CREB1: variants seen among roughly 807,000 people sequenced by gnomAD.
CREB1 encodes the protein cAMP responsive element binding protein 1.
In CREB1, 2 loss-of-function variants were observed where a neutral mutation model predicts 42.0. The observed-to-expected ratio is 0.05, with a 90% CI of 0.02 to 0.15. The LOEUF is 0.15. CREB1 is among the 10% of genes least tolerant of loss of function. The pLI is 1.00. For missense variants in CREB1, 199 were observed against 388.9 expected, an observed-to-expected ratio of 0.51 and a Z score of 4.11; for synonymous variants, 123 against 139.9, an observed-to-expected ratio of 0.88 and a Z score of 0.85.
At chr2:207,553,824 T>C (rs1272701813) in intron 1 of CREB1, among the ~76,000 whole-genome samples, 1 of 152,226 alleles carries the variant, frequency 6.6e-6, no homozygotes, top group East Asian at 1.9e-4. Context: ...TCTACAAAAT[T>C]CTGTTTCTCT....
chr2:207,590,951 T>G (rs895540273), intron 7 of CREB1, among the ~76,000 whole-genome samples: 1 of 152,220 alleles, frequency 6.6e-6, no homozygotes, highest in African/African-American at 2.4e-5. Flanking sequence ...AAAAATTTTT[T>G]TATTTCCTTT....
chr2:207,591,079 T>TTAAATTATC (rs1291443736), intron 7 of CREB1, among the ~76,000 whole-genome samples: 4 of 152,252 alleles, frequency 2.6e-5, no homozygotes, highest in Admixed American at 1.3e-4. Context: ...TTTTATTCTC[T>TTAAATTATC]TAAATTATCA....
intron 7 of CREB1, among the ~76,000 whole-genome samples, chr2:207,584,838 A>C (rs1049780899): frequency 1.3e-5 from 2 of 152,178 alleles, no homozygotes; most frequent in Non-Finnish European, 2.9e-5. Context: ...TGTCAGAGCA[A>C]GTATTTTCTT....
chr2:207,578,787 A>G (rs1463468170), intron 7 of CREB1, among the ~76,000 whole-genome samples: 1 of 151,892 alleles, frequency 6.6e-6, no homozygotes, highest in Non-Finnish European at 1.5e-5. Context: ...AAACAAGCCA[A>G]GTGACTTTTT....
At chr2:207,563,465 A>G (rs2082026688) in intron 3 of CREB1, among the ~76,000 whole-genome samples, 1 of 152,204 alleles carries the variant, frequency 6.6e-6, no homozygotes, top group South Asian at 2.1e-4. Context: ...ATAATAAACT[A>G]GATAAATCTC....
intron 1 of CREB1, among the ~76,000 whole-genome samples, chr2:207,545,277 G>A (rs1574785521): frequency 6.6e-6 from 1 of 152,132 alleles, no homozygotes; most frequent in East Asian, 1.9e-4. Context: ...GCATGATCTC[G>A]GCTCACTGCA....
chr2:207,555,828 CATAG>C, intron 2 of CREB1, 79 bp downstream of exon 2: 1 of 789,016 alleles, frequency 1.3e-6, no homozygotes. Flanking sequence ...GTTGTTATTA[CATAG>C]ATATACATAG....
At chr2:207,556,399 G>C (rs1287632657) in intron 2 of CREB1, among the ~76,000 whole-genome samples, 1 of 152,164 alleles carries the variant, frequency 6.6e-6, no homozygotes, top group African/African-American at 2.4e-5. Context: ...ACAAATAGCA[G>C]ATACAGACCT....
chr2:207,583,884 T>C (rs1380253349), intron 7 of CREB1, among the ~76,000 whole-genome samples: 1 of 152,246 alleles, frequency 6.6e-6, no homozygotes, highest in Non-Finnish European at 1.5e-5. Flanking sequence ...TCTACCCTTA[T>C]AGTTCTGCCT....
chr2:207,553,070 T>G (rs2081577840), intron 1 of CREB1, among the ~76,000 whole-genome samples: 2 of 138,594 alleles, frequency 1.4e-5, no homozygotes, highest in South Asian at 4.8e-4. Context: ...GACTTTTTTT[T>G]TTTTTTTTTT....
At chr2:207,567,201 A>G (rs2082171325) in intron 3 of CREB1, among the ~76,000 whole-genome samples, 2 of 152,144 alleles carry the variant, frequency 1.3e-5, no homozygotes, top group African/African-American at 2.4e-5. Flanking sequence ...CTGATAAGTA[A>G]TACTGATGCA....
intron 1 of CREB1, among the ~76,000 whole-genome samples, chr2:207,534,025 C>G (rs1348417704): frequency 6.6e-6 from 1 of 152,202 alleles, no homozygotes; most frequent in Non-Finnish European, 1.5e-5. Flanking sequence ...AGGGCTACAA[C>G]TAATGATAGC....
chr2:207,544,873 C>T (rs933157891), intron 1 of CREB1, among the ~76,000 whole-genome samples: 2 of 152,174 alleles, frequency 1.3e-5, no homozygotes, highest in African/African-American at 4.8e-5. Flanking sequence ...CCTCCAGCTC[C>T]ATCTATGTTC....
intron 2 of CREB1, among the ~76,000 whole-genome samples, chr2:207,556,003 A>G (rs1270683888): frequency 6.6e-6 from 1 of 152,164 alleles, no homozygotes; most frequent in African/African-American, 2.4e-5. Context: ...TTTTAAACTT[A>G]TGGGTAAATG....
At position 207,603,355 on chromosome 2, in the gene CREB1, T is replaced by C; in HGVS notation, c.*6297T>C. 1 of 224,478 alleles carries C rather than the reference T, an allele frequency of 4.5e-6. No individual in the cohort carries two copies. Among genetic ancestry groups the C allele is most frequent in the East Asian group, 6.5e-5 (1 of 15,434 alleles). The allele number at this position is 224,478 out of a possible 1,614,324, so 13.9% of individuals were successfully genotyped here. A position where few individuals can be genotyped will look rare whatever the true frequency, so the allele number is the denominator to read the frequency against. On this transcript the variant is annotated 3_prime_UTR_variant, in exon 8 of 8. Coordinates refer to ENST00000353267, the MANE Select transcript of CREB1 (RefSeq NM_004379.5). ...AAAGTGCTTTTTCTTACTGTAATCTTTGTGGTATCAACTGTCATAATGCTC... is the reference window on the plus strand; with the variant it reads ...AAAGTGCTTTTTCTTACTGTAATCTCTGTGGTATCAACTGTCATAATGCTC...
intron 2 of CREB1, among the ~76,000 whole-genome samples, chr2:207,559,711 G>A (rs371983515): frequency 1.3e-5 from 2 of 152,258 alleles, no homozygotes; most frequent in African/African-American, 2.4e-5. Context: ...AGAGCAGTTA[G>A]ATTTTAGAAC....
intron 2 of CREB1, among the ~76,000 whole-genome samples, chr2:207,559,914 G>A (rs1004313338): frequency 1.3e-5 from 2 of 152,168 alleles, no homozygotes; most frequent in African/African-American, 4.8e-5. Context: ...GTGGGAAAAT[G>A]TAAAGTGCCA....
chr2:207,592,667 TC>T (rs909505645), intron 7 of CREB1, among the ~76,000 whole-genome samples: 5 of 152,098 alleles, frequency 3.3e-5, no homozygotes, highest in Admixed American at 6.5e-5. Context: ...ACGCATGTAA[TC>T]CCAGCACTTT....
chr2:207,563,050 C>T (rs2082012643), intron 3 of CREB1, among the ~76,000 whole-genome samples: 1 of 151,860 alleles, frequency 6.6e-6, no homozygotes, highest in African/African-American at 2.4e-5. Context: ...ATGAATAAAG[C>T]CAGGGGAAAG....
Sources: gnomAD v4.1 joint callset for allele counts (sites outside exome capture counted in the v4.1 genomes callset) on GRCh38, gnomAD v4.1.1 for gene constraint, MANE v1.5 for transcripts, NCBI Gene and HGNC (gene_info 2026-07-23, HGNC 2026-07-21) for gene names.